The following GPR176 variants were observed in gnomAD, a reference collection of about 807,000 sequenced individuals.
GPR176 encodes the protein G-protein coupled receptor 176.
Under a neutral mutation model 35.4 loss-of-function variants are expected in GPR176, and 26 were observed. That is an observed-to-expected ratio of 0.74 (90% CI 0.54 to 1.02). The LOEUF (loss-of-function observed/expected upper bound fraction) is 1.02, where lower values mean the gene tolerates loss of function less well. GPR176 is among the 50% of genes least tolerant of loss of function. GPR176 has a pLI of 0.00. For synonymous variants in GPR176, 278 were observed against 271.3 expected, an observed-to-expected ratio of 1.02 and a Z score of -0.24; for missense variants, 597 against 665.3, an observed-to-expected ratio of 0.90 and a Z score of 1.13.
intron 1 of GPR176, among the ~76,000 whole-genome samples, chr15:39,895,715 CTT>C (rs935675159): frequency 6.6e-6 from 1 of 152,030 alleles, no homozygotes; most frequent in African/African-American, 2.4e-5. Context: ...GGTATGGACA[CTT>C]AATATATTAA....
chr15:39,895,326 CACTT>C lies in GPR176; in HGVS notation c.172+24525_172+24528del, dbSNP rs1438788229. Among the ~76,000 whole-genome samples the C allele has an allele frequency of 2.6e-5, 4 of 151,568 alleles. No homozygotes were observed. In the East Asian group the frequency reaches 5.8e-4, roughly 22 times the overall value. ...GGGAGGGGGAGGGCGATCTCTAACTCACTTGCTTCTCCCACCAGCCAATACACAT... is the reference window on the plus strand; with the variant it reads ...GGGAGGGGGAGGGCGATCTCTAACTCGCTTCTCCCACCAGCCAATACACAT... On this transcript the variant is annotated intron_variant, in intron 1 of 2. Transcript: ENST00000561100.
intron 2 of GPR176, among the ~76,000 whole-genome samples, chr15:39,802,756 C>T (rs1898965831): frequency 6.6e-6 from 1 of 152,212 alleles, no homozygotes; most frequent in African/African-American, 2.4e-5. Context: ...ACTTATGCCA[C>T]AGTCCAGATA....
intron 1 of GPR176, among the ~76,000 whole-genome samples, chr15:39,908,319 C>T (rs1487363286): frequency 7.2e-5 from 11 of 152,216 alleles, no homozygotes; most frequent in Admixed American, 3.9e-4. Context: ...CTCTGGATTG[C>T]AGCTGCTGTT....
Position 39,888,128 on chromosome 15 carries a change from G to T in GPR176, c.172+31727C>A, listed in dbSNP as rs73399178. On this transcript the variant is annotated intron_variant, in intron 1 of 2. Coordinates refer to ENST00000561100, the MANE Select transcript of GPR176 (RefSeq NM_007223.3). ...TTTATCTAAATATTTACTGTTCTTT[G>T]TTGAAAATGCTGTAAAGCCAGAGTA... 7.1e-3 allele frequency among the ~76,000 whole-genome samples: 1,080 copies of T among 152,188 alleles called. 7 individuals are homozygous for T. Among genetic ancestry groups the T allele is most frequent in the African/African-American group, 0.024 (1,016 of 41,522 alleles).
At chr15:39,858,011 G>A (rs995400144) in intron 1 of GPR176, among the ~76,000 whole-genome samples, 7 of 150,902 alleles carry the variant, frequency 4.6e-5, no homozygotes, top group Non-Finnish European at 1.0e-4. Context: ...AGAAAAAAAA[G>A]GAAACTCTAA....
intron 1 of GPR176, among the ~76,000 whole-genome samples, chr15:39,913,544 C>CAA (rs112677908): frequency 8.5e-6 from 1 of 118,006 alleles, no homozygotes; most frequent in Non-Finnish European, 1.8e-5. Context: ...GACCCTGTCT[C>CAA]AAAAAAAAAA....
intron 1 of GPR176, among the ~76,000 whole-genome samples, chr15:39,811,223 C>G (rs1379225782): frequency 6.6e-6 from 1 of 151,676 alleles, no homozygotes; most frequent in Non-Finnish European, 1.5e-5. Context: ...GAGACAGGAT[C>G]TCACTATATT....
At chr15:39,810,479 A>G (rs1899477314) in intron 1 of GPR176, among the ~76,000 whole-genome samples, 1 of 152,228 alleles carries the variant, frequency 6.6e-6, no homozygotes, top group Non-Finnish European at 1.5e-5. Context: ...TTTGAGAGCA[A>G]CAATTCTGGC....
chr15:39,883,121 A>C (rs2032541611), intron 1 of GPR176, among the ~76,000 whole-genome samples: 1 of 152,220 alleles, frequency 6.6e-6, no homozygotes, highest in African/African-American at 2.4e-5. Context: ...TCAGGTGGAA[A>C]TCTTGCCACT....
At chr15:39,881,315 A>G (rs1223211643) in intron 1 of GPR176, among the ~76,000 whole-genome samples, 1 of 152,230 alleles carries the variant, frequency 6.6e-6, no homozygotes, top group Non-Finnish European at 1.5e-5. Context: ...TATATTTAGC[A>G]TTCAATTAAT....
At chr15:39,910,340 C>G (rs960853748) in intron 1 of GPR176, among the ~76,000 whole-genome samples, 2 of 152,176 alleles carry the variant, frequency 1.3e-5, no homozygotes, top group Admixed American at 6.5e-5. Context: ...GTAATCCCAG[C>G]ACTTTGGGAG....
chr15:39,912,820 C>A (rs911073525), intron 1 of GPR176, among the ~76,000 whole-genome samples: 1 of 152,082 alleles, frequency 6.6e-6, no homozygotes, highest in Admixed American at 6.6e-5. Flanking sequence ...CATTTTGAGA[C>A]AAATTTCCTC....
At chr15:39,805,676 C>G (rs1317476655) in intron 2 of GPR176, among the ~76,000 whole-genome samples, 1 of 152,172 alleles carries the variant, frequency 6.6e-6, no homozygotes, top group Admixed American at 6.5e-5. Context: ...TTCTAAGGAG[C>G]TGGAGCTGCT....
chr15:39,833,138 T>C (rs1901197362), intron 1 of GPR176, among the ~76,000 whole-genome samples: 1 of 152,048 alleles, frequency 6.6e-6, no homozygotes, highest in African/African-American at 2.4e-5. Flanking sequence ...CATACGGCAA[T>C]TCCACTCCCA....
chr15:39,885,349 G>A (rs1053646284), intron 1 of GPR176, among the ~76,000 whole-genome samples: 1 of 152,122 alleles, frequency 6.6e-6, no homozygotes, highest in African/African-American at 2.4e-5. Context: ...AAGCCAGGAT[G>A]GCCTCCAAAG....
At chr15:39,914,685 G>A (rs956702139) in intron 1 of GPR176, among the ~76,000 whole-genome samples, 5 of 152,118 alleles carry the variant, frequency 3.3e-5, no homozygotes, top group Admixed American at 6.5e-5. Context: ...TAGAAGTAAG[G>A]CTGTTGATAT....
intron 1 of GPR176, chr15:39,829,392 A>G (rs1302635151): frequency 2.6e-5 from 31 of 1,201,628 alleles, no homozygotes; most frequent in South Asian, 1.2e-4. Flanking sequence ...TCTGAGGTCA[A>G]ATCTAGGAAA....
intron 1 of GPR176, among the ~76,000 whole-genome samples, chr15:39,901,365 A>T (rs1281072539): frequency 1.3e-5 from 2 of 152,230 alleles, no homozygotes; most frequent in Non-Finnish European, 2.9e-5. Flanking sequence ...AGTTTCTATA[A>T]GTCAGATTAC....
intron 1 of GPR176, among the ~76,000 whole-genome samples, chr15:39,909,000 A>G (rs1394723347): frequency 2.0e-5 from 3 of 152,228 alleles, no homozygotes; most frequent in Admixed American, 6.5e-5. Flanking sequence ...CACAAAGTAT[A>G]AAGTGGCAGA....
Sources: gnomAD v4.1 joint callset for allele counts (sites outside exome capture counted in the v4.1 genomes callset) on GRCh38, gnomAD v4.1.1 for gene constraint, MANE v1.5 for transcripts, NCBI Gene and HGNC (gene_info 2026-07-23, HGNC 2026-07-21) for gene names.